The following NIN variants were observed in gnomAD, a reference collection of about 807,000 sequenced individuals.
NIN encodes the protein glycogen synthase kinase 3 beta-interacting protein.
In NIN, 137 loss-of-function variants were observed where a neutral mutation model predicts 257.6. The ratio of observed to expected loss-of-function variants is 0.53; its 90% CI spans 0.46 to 0.61. The LOEUF (loss-of-function observed/expected upper bound fraction) is 0.61. NIN is among the 20% of genes least tolerant of loss of function. NIN has a pLI of 0.00. For synonymous variants in NIN, 918 were observed against 919.8 expected (o/e 1.00, Z 0.04); for missense variants, 2,439 against 2,501.2 (o/e 0.98, Z 0.53).
At chr14:50,730,076 G>A (rs1001420771) in intron 28 of NIN, among the ~76,000 whole-genome samples, 1 of 152,168 alleles carries the variant, frequency 6.6e-6, no homozygotes, top group Admixed American at 6.5e-5. Flanking sequence ...ACGGGTTGGA[G>A]AAAGTGGCTA....
chr14:50,792,848 C>T lies in NIN; in HGVS notation c.299G>A (p.Arg100Lys). ...CSLEAQPKYV[R>K]GGKRYGRRSL... ...CCTTCGTCCGTAACGCTTCCCACCT[C>T]TAACATATTTGGGCTGAGCTTCTAG... Residue 100 changes from arginine (R) to lysine (K), a missense_variant, in exon 5 of 31, where the codon AGA becomes AAA. Transcript: ENST00000530997. 1 of 1,614,222 alleles carries T rather than the reference C, an allele frequency of 6.2e-7. No homozygotes were observed. Among genetic ancestry groups the T allele is most frequent in the South Asian group, 1.1e-5 (1 of 91,084 alleles).
intron 22 of NIN, among the ~76,000 whole-genome samples, chr14:50,744,927 A>G (rs1357710729): frequency 1.3e-5 from 2 of 151,942 alleles, no homozygotes; most frequent in Non-Finnish European, 2.9e-5. Context: ...TCTGTCTCCA[A>G]AACAAAACAA....
intron 2 of NIN, chr14:50,823,155 GGTTT>G: frequency 3.7e-6 from 1 of 267,838 alleles, no homozygotes; most frequent in Non-Finnish European, 7.5e-6. Context: ...TGAAATCTGT[GGTTT>G]TTTTTTTTTC....
intron 5 of NIN, among the ~76,000 whole-genome samples, chr14:50,789,911 A>C (rs928845413): frequency 6.6e-6 from 1 of 152,246 alleles, no homozygotes; most frequent in Non-Finnish European, 1.5e-5. Flanking sequence ...AACAAGACTG[A>C]TGCATTGACA....
chr14:50,776,907 T>C, intron 7 of NIN, 42 bp downstream of exon 7: 1 of 1,555,682 alleles, frequency 6.4e-7, no homozygotes, highest in East Asian at 2.3e-5. Flanking sequence ...CAACTACACT[T>C]TTACCATCAT....
At chr14:50,784,062 T>C (rs1566843599) in intron 5 of NIN, among the ~76,000 whole-genome samples, 2 of 152,204 alleles carry the variant, frequency 1.3e-5, no homozygotes, top group African/African-American at 4.8e-5. Context: ...GGAGAAAGAA[T>C]GGATATTAAT....
At chr14:50,780,546 A>G (rs969902917) in intron 5 of NIN, among the ~76,000 whole-genome samples, 4 of 152,204 alleles carry the variant, frequency 2.6e-5, no homozygotes, top group Non-Finnish European at 5.9e-5. Context: ...CAGGCAACCT[A>G]CGCTCATCTA....
chr14:50,760,187 T>G lies in NIN; in HGVS notation c.2069A>C (p.His690Pro). The G allele has an allele frequency of 6.2e-7, 1 of 1,614,106 alleles. No individual in the cohort carries two copies. The highest frequency in any genetic ancestry group is 8.5e-7 in the Non-Finnish European group (1 of 1,180,046). ...QGQAAVLKEAHHEATCRHEEE... is the reference protein window; with the variant it reads ...QGQAAVLKEAPHEATCRHEEE... ...CTCATGCCTGCAAGTGGCCTCATGATGTGCCTCCTTGAGCACTGCTGCTTG... is the reference window on the plus strand; with the variant it reads ...CTCATGCCTGCAAGTGGCCTCATGAGGTGCCTCCTTGAGCACTGCTGCTTG... The change falls in exon 17 of 31, where the codon CAT (histidine) becomes CCT (proline). Residue 690 changes from histidine (H) to proline (P), a missense_variant. Physicochemically the swap from His to Pro is moderately conservative, Grantham distance 77 (BLOSUM62 -2). Transcript: ENST00000530997.
chr14:50,761,386 A>AT (rs1424672747), intron 16 of NIN, among the ~76,000 whole-genome samples: 1 of 152,244 alleles, frequency 6.6e-6, no homozygotes, highest in Non-Finnish European at 1.5e-5. Flanking sequence ...AAGGTAACTC[A>AT]TAAGAACGGT....
chr14:50,797,727 A>G (rs2043903926), intron 4 of NIN, among the ~76,000 whole-genome samples: 1 of 152,196 alleles, frequency 6.6e-6, no homozygotes, highest in African/African-American at 2.4e-5. Context: ...AGACCAAGAA[A>G]AATACAGACA....
chr14:50,743,655 G>T, intron 23 of NIN, 126 bp from the exon 24 acceptor site: 1 of 589,038 alleles, frequency 1.7e-6, no homozygotes, highest in South Asian at 2.0e-5. Flanking sequence ...GCAGGGCAAG[G>T]TCAAAGGAAA....
intron 21 of NIN, among the ~76,000 whole-genome samples, chr14:50,748,867 T>C (rs969623270): frequency 9.9e-5 from 15 of 152,164 alleles, no homozygotes; most frequent in Non-Finnish European, 1.9e-4. Context: ...ATCAATATCG[T>C]GAAAATGGCC....
chr14:50,798,812 C>T (rs964881655), intron 4 of NIN, among the ~76,000 whole-genome samples: 2 of 152,218 alleles, frequency 1.3e-5, no homozygotes, highest in African/African-American at 4.8e-5. Context: ...CGGAGTCTCG[C>T]TCTATTGCCA....
In NIN at chr14:50,723,806, A is replaced by G. The variant is rs2040317945; in HGVS notation, c.6193-134T>C. 4.3e-6 allele frequency: 3 copies of G among 703,466 alleles called. No homozygotes were observed. In the South Asian group the frequency reaches 5.9e-5, roughly 14 times the overall value. 43.6% of individuals were successfully genotyped at this position (703,466 alleles called of 1,614,324 possible). A position where few individuals can be genotyped will look rare whatever the true frequency, so the allele number is the denominator to read the frequency against. The stretch of plus-strand genomic sequence containing the variant: ...TCTAATTATATTCTTTTATTTTACA[A>G]AATAGCTTTAACATCAGACTTGGCA... On this transcript the variant is annotated intron_variant, in intron 30 of 30. Transcript: ENST00000530997.
chr14:50,790,315 C>T (rs1049089119), intron 5 of NIN, among the ~76,000 whole-genome samples: 3 of 152,182 alleles, frequency 2.0e-5, no homozygotes, highest in African/African-American at 7.2e-5. Context: ...CTTGGCCTCC[C>T]AAAGTGCTGG....
intron 12 of NIN, 74 bp downstream of exon 12, chr14:50,770,314 C>T: frequency 1.4e-6 from 2 of 1,443,852 alleles, no homozygotes; most frequent in Non-Finnish European, 9.5e-7. Flanking sequence ...CAAACATGCC[C>T]ACTTCCAAAG....
In NIN at chr14:50,747,986, C is replaced by A. The variant is rs746547618; in HGVS notation, c.5064+6G>T. 3.1e-6 allele frequency: 5 copies of A among 1,590,498 alleles called. No homozygotes were observed. The South Asian group carries it at 4.4e-5, about 14-fold the overall frequency. Reference sequence around the variant, plus strand: ...GTGAACCCCCCTTAGCTGCACACAGCCTTACCTGTTTCATTTTCTCCAGTT... The same window carrying A: ...GTGAACCCCCCTTAGCTGCACACAGACTTACCTGTTTCATTTTCTCCAGTT... On this transcript the variant is annotated splice_donor_region_variant and intron_variant, in intron 22 of 30. Transcript: ENST00000530997.
intron 5 of NIN, among the ~76,000 whole-genome samples, chr14:50,786,478 T>G (rs1321025460): frequency 1.3e-5 from 2 of 152,216 alleles, no homozygotes; most frequent in African/African-American, 4.8e-5. Flanking sequence ...TAAAAGTATG[T>G]GTCAGAAAAA....
intron 27 of NIN, among the ~76,000 whole-genome samples, chr14:50,737,645 TG>T (rs1278744660): frequency 1.3e-3 from 148 of 116,140 alleles, no homozygotes; most frequent in African/African-American, 4.5e-3. Context: ...TTTTTGTTGT[TG>T]TTTTTTTTTT....
Sources: gnomAD v4.1 joint callset for allele counts (sites outside exome capture counted in the v4.1 genomes callset) on GRCh38, gnomAD v4.1.1 for gene constraint, MANE v1.5 for transcripts, NCBI Gene and HGNC (gene_info 2026-07-23, HGNC 2026-07-21) for gene names.